The following TAS2R1 variants were observed in gnomAD, a reference collection of about 807,000 sequenced individuals.
TAS2R1 encodes the protein taste 2 receptor member 1.
For missense variants in TAS2R1, 370 were observed against 353.4 expected (o/e 1.05, Z -0.38); for synonymous variants, 141 against 134.2 (o/e 1.05, Z -0.35).
chr5:9,742,875 T>C, the TAS2R1 span, among the ~76,000 whole-genome samples: 2 of 151,922 alleles, frequency 1.3e-5, no homozygotes, highest in Non-Finnish European at 2.9e-5. Context: ...AAATGAACAA[T>C]GCATGTCTAA....
chr5:9,665,904 T>C (rs368755839), intron 1 of TAS2R1, among the ~76,000 whole-genome samples: 27 of 152,158 alleles, frequency 1.8e-4, no homozygotes, highest in African/African-American at 6.5e-4. Context: ...TTTTAAAAGG[T>C]GAAATATTTG....
the TAS2R1 span, among the ~76,000 whole-genome samples, chr5:9,820,031 A>G: frequency 6.6e-6 from 1 of 152,220 alleles, no homozygotes; most frequent in East Asian, 1.9e-4. Flanking sequence ...CCATGCCTCA[A>G]CCTCATGATA....
chr5:9,842,755 A>G, the TAS2R1 span, among the ~76,000 whole-genome samples: 1 of 151,948 alleles, frequency 6.6e-6, no homozygotes, highest in South Asian at 2.1e-4. Flanking sequence ...TCCTAATTGG[A>G]AGCCTGAAAC....
At chr5:9,742,768 C>T in the TAS2R1 span, among the ~76,000 whole-genome samples, 1 of 152,156 alleles carries the variant, frequency 6.6e-6, no homozygotes, top group Non-Finnish European at 1.5e-5. Context: ...TTAGGTAGGG[C>T]TTGGCTGCAT....
the TAS2R1 span, among the ~76,000 whole-genome samples, chr5:9,741,326 C>T: frequency 6.6e-6 from 1 of 152,122 alleles, no homozygotes; most frequent in African/African-American, 2.4e-5. Context: ...TTTCTCAAGG[C>T]CAACAGCTGG....
At chr5:9,707,753 T>C (rs146312380) in intron 1 of TAS2R1, among the ~76,000 whole-genome samples, 40 of 151,536 alleles carry the variant, frequency 2.6e-4, no homozygotes, top group African/African-American at 9.4e-4. Context: ...CCCCAAGCTT[T>C]TGTTCTGTGT....
chr5:9,818,736 G>C, the TAS2R1 span, among the ~76,000 whole-genome samples: 7 of 152,206 alleles, frequency 4.6e-5, no homozygotes, highest in African/African-American at 1.7e-4. Flanking sequence ...TCAGTCGCAA[G>C]TCCATCCTGG....
chr5:9,857,862 T>C, the TAS2R1 span, among the ~76,000 whole-genome samples: 1 of 152,180 alleles, frequency 6.6e-6, no homozygotes, highest in Non-Finnish European at 1.5e-5. Flanking sequence ...CTGGTATGGT[T>C]CATGAGCAGG....
At chr5:9,847,985 T>C in the TAS2R1 span, among the ~76,000 whole-genome samples, 2 of 152,200 alleles carry the variant, frequency 1.3e-5, no homozygotes, top group Non-Finnish European at 2.9e-5. Flanking sequence ...AATCAGAAAC[T>C]CTGGAGTGGG....
chr5:9,700,670 C>A (rs1741461290), intron 1 of TAS2R1, among the ~76,000 whole-genome samples: 2 of 152,110 alleles, frequency 1.3e-5, no homozygotes, highest in South Asian at 4.2e-4. Context: ...TGTTTGATCA[C>A]AGTCCTGGAG....
chr5:9,643,737 T>C (rs1441364072), intron 2 of TAS2R1, among the ~76,000 whole-genome samples: 1 of 152,152 alleles, frequency 6.6e-6, no homozygotes, highest in Non-Finnish European at 1.5e-5. Context: ...TGCACGACTG[T>C]AGTAATGAAC....
the TAS2R1 span, among the ~76,000 whole-genome samples, chr5:9,886,546 C>G: frequency 6.6e-6 from 1 of 151,898 alleles, no homozygotes; most frequent in African/African-American, 2.4e-5. Context: ...ATTGACCAGG[C>G]TGGTCTCCAA....
At chr5:9,755,843 C>G in the TAS2R1 span, among the ~76,000 whole-genome samples, 17 of 152,306 alleles carry the variant, frequency 1.1e-4, no homozygotes, top group African/African-American at 3.8e-4. Context: ...TGTCATGGCA[C>G]TGGTGGGAGT....
the TAS2R1 span, among the ~76,000 whole-genome samples, chr5:9,844,587 T>G: frequency 1.3e-5 from 2 of 152,198 alleles, no homozygotes; most frequent in Admixed American, 6.5e-5. Context: ...GTGCATTCAC[T>G]TATTTACGTG....
chr5:9,874,642 T>C, the TAS2R1 span, among the ~76,000 whole-genome samples: 1 of 152,194 alleles, frequency 6.6e-6, no homozygotes, highest in Non-Finnish European at 1.5e-5. Flanking sequence ...TCCATAGTTT[T>C]AGTATGACTC....
At chr5:9,756,222 G>T in the TAS2R1 span, among the ~76,000 whole-genome samples, 6 of 152,172 alleles carry the variant, frequency 3.9e-5, no homozygotes, top group African/African-American at 1.2e-4. Flanking sequence ...AGCCTAAATT[G>T]CTGGCCTGTA....
intron 1 of TAS2R1, among the ~76,000 whole-genome samples, chr5:9,700,254 A>G (rs1741450902): frequency 6.6e-6 from 1 of 152,166 alleles, no homozygotes; most frequent in Non-Finnish European, 1.5e-5. Context: ...TTGAAATGGA[A>G]TCATTCATCA....
the TAS2R1 span, among the ~76,000 whole-genome samples, chr5:9,825,357 C>T: frequency 6.6e-6 from 1 of 152,146 alleles, no homozygotes; most frequent in Admixed American, 6.5e-5. Flanking sequence ...GGGAACTCCC[C>T]TTCATAAAAC....
the TAS2R1 span, among the ~76,000 whole-genome samples, chr5:9,834,199 G>A: frequency 6.6e-6 from 1 of 152,174 alleles, no homozygotes; most frequent in Non-Finnish European, 1.5e-5. Flanking sequence ...CTGGGAGCTG[G>A]GCGCACTGAC....
Sources: gnomAD v4.1 joint callset for allele counts (sites outside exome capture counted in the v4.1 genomes callset) on GRCh38, gnomAD v4.1.1 for gene constraint, MANE v1.5 for transcripts, NCBI Gene and HGNC (gene_info 2026-07-23, HGNC 2026-07-21) for gene names.